ZNF407: variants seen among roughly 807,000 people sequenced by gnomAD.
The protein encoded by ZNF407 is zinc finger protein 407.
ZNF407 carries 17 observed loss-of-function variants against 131.2 expected under a neutral mutation model. The observed-to-expected ratio is 0.13, with a 90% confidence interval of 0.09 to 0.19. ZNF407 has a LOEUF of 0.19. Among genes scored for constraint, ZNF407 ranks in the 10% least tolerant of loss-of-function variants. The pLI is 1.00. For missense variants in ZNF407, 2,681 were observed against 2,830.6 expected (o/e 0.95, Z 1.20); for synonymous variants, 1,156 against 1,062.0 (o/e 1.09, Z -1.72).
chr18:74,838,549 A>G (rs940662990), intron 4 of ZNF407, among the ~76,000 whole-genome samples: 2 of 152,144 alleles, frequency 1.3e-5, no homozygotes, highest in African/African-American at 4.8e-5. Context: ...TCTTTCTAGG[A>G]AGATTTACAG....
intron 8 of ZNF407, among the ~76,000 whole-genome samples, chr18:75,017,268 G>T (rs1973055631): frequency 1.3e-5 from 2 of 152,072 alleles, no homozygotes; most frequent in Admixed American, 1.3e-4. Context: ...TAATTAAGTG[G>T]CTATAATCAC....
chr18:74,676,486 G>T (rs929394040), intron 3 of ZNF407, among the ~76,000 whole-genome samples: 10 of 150,576 alleles, frequency 6.6e-5, no homozygotes, highest in Non-Finnish European at 1.2e-4. Flanking sequence ...ACCCAGGCTG[G>T]AGTGCAGTGG....
In ZNF407 at chr18:74,691,108, A is replaced by C. The variant is rs183736750; in HGVS notation, c.4802+49986A>C. ...AGCGTGGCCAACATGGTGAAATCCT[A>C]TCTCTACTAAAAATACAAAAATTAG... On this transcript the variant is annotated intron_variant, in intron 3 of 8. Coordinates refer to ENST00000299687, the MANE Select transcript of ZNF407 (RefSeq NM_017757.3). 4.5e-3 allele frequency among the ~76,000 whole-genome samples: 687 copies of C among 152,084 alleles called. 3 individuals are homozygous for C. Among genetic ancestry groups the C allele is most frequent in the Non-Finnish European group, 6.3e-3 (426 of 67,960 alleles).
At chr18:74,957,879 TA>T (rs1453897781) in intron 8 of ZNF407, among the ~76,000 whole-genome samples, 1 of 152,238 alleles carries the variant, frequency 6.6e-6, no homozygotes, top group African/African-American at 2.4e-5. Flanking sequence ...AGAGTACTTC[TA>T]GGGGAAAGTG....
At chr18:74,625,802 C>T (rs1450221933) in intron 1 of ZNF407, among the ~76,000 whole-genome samples, 3 of 152,140 alleles carry the variant, frequency 2.0e-5, no homozygotes, top group Non-Finnish European at 2.9e-5. Context: ...ATAAGGCATT[C>T]ATTCATTCTA....
intron 4 of ZNF407, among the ~76,000 whole-genome samples, chr18:74,844,686 A>C (rs537317329): frequency 6.6e-5 from 10 of 152,160 alleles, no homozygotes; most frequent in Non-Finnish European, 1.2e-4. Context: ...ATTTGTAAAA[A>C]TTACCCATGC....
At chr18:74,942,396 G>A (rs1972109610) in intron 8 of ZNF407, among the ~76,000 whole-genome samples, 1 of 152,114 alleles carries the variant, frequency 6.6e-6, no homozygotes. Flanking sequence ...CAAACATGGA[G>A]GAAAGGCTGG....
intron 3 of ZNF407, among the ~76,000 whole-genome samples, chr18:74,671,497 C>T (rs778570384): frequency 1.2e-4 from 18 of 151,824 alleles, no homozygotes; most frequent in Non-Finnish European, 2.1e-4. Flanking sequence ...TTTTCTGTTC[C>T]TCTCCCTCCT....
intron 3 of ZNF407, among the ~76,000 whole-genome samples, chr18:74,740,482 C>T (rs1993528): frequency 0.89 from 135,248 of 152,222 alleles, 60,125 homozygotes; most frequent in Non-Finnish European, 0.9. Flanking sequence ...TATGTGTACA[C>T]ATGTTACATC....
chr18:74,888,112 T>TA lies in ZNF407; in HGVS notation c.5129-1805dup, dbSNP rs1418715219. ...TTTTCTAAGTAAGTCAGTATACTCA[T>TA]ACAGCTATCACAAAAACATGGAAAG... is the stretch of plus-strand genomic sequence containing the variant. On this transcript the variant is annotated intron_variant, in intron 6 of 8. Transcript: ENST00000299687. 1.2e-4 allele frequency among the ~76,000 whole-genome samples: 18 copies of TA among 152,162 alleles called. 1 individual carries two copies. The highest frequency in any genetic ancestry group is 2.4e-4 in the Non-Finnish European group (16 of 68,026).
chr18:74,618,108 G>C (rs1983391602), intron 1 of ZNF407, among the ~76,000 whole-genome samples: 2 of 152,250 alleles, frequency 1.3e-5, no homozygotes, highest in South Asian at 4.2e-4. Flanking sequence ...CGCATTATTT[G>C]GGTGCTCCAA....
At chr18:74,784,184 A>G (rs1969661728) in intron 4 of ZNF407, among the ~76,000 whole-genome samples, 1 of 152,186 alleles carries the variant, frequency 6.6e-6, no homozygotes, top group African/African-American at 2.4e-5. Context: ...CCTTGGTTAT[A>G]CTTTTGCAAG....
chr18:74,958,414 G>T (rs1462920856), intron 8 of ZNF407, among the ~76,000 whole-genome samples: 2 of 152,092 alleles, frequency 1.3e-5, no homozygotes, highest in East Asian at 3.9e-4. Context: ...CCTCACAGTG[G>T]GCCTGTCGAG....
At chr18:74,720,838 C>T (rs542301300) in intron 3 of ZNF407, among the ~76,000 whole-genome samples, 1 of 151,168 alleles carries the variant, frequency 6.6e-6, no homozygotes, top group South Asian at 2.1e-4. Flanking sequence ...TTCCATTGGT[C>T]TGTGTGTCTG....
intron 4 of ZNF407, among the ~76,000 whole-genome samples, chr18:74,820,346 G>A (rs962727373): frequency 2.0e-5 from 3 of 152,180 alleles, no homozygotes; most frequent in Admixed American, 6.5e-5. Context: ...AGACTGCAGA[G>A]AGCTGTCCTC....
intron 3 of ZNF407, among the ~76,000 whole-genome samples, chr18:74,743,337 T>C (rs972328014): frequency 2.6e-5 from 4 of 152,094 alleles, no homozygotes; most frequent in African/African-American, 9.7e-5. Flanking sequence ...ATGTGGTTGG[T>C]CAGGATTTAT....
intron 3 of ZNF407, among the ~76,000 whole-genome samples, chr18:74,676,729 C>T (rs1052178011): frequency 1.2e-4 from 19 of 152,252 alleles, no homozygotes; most frequent in African/African-American, 1.9e-4. Context: ...CCACTGTGCC[C>T]GGCCAGTATT....
chr18:74,991,588 G>T (rs1474794068), intron 8 of ZNF407, among the ~76,000 whole-genome samples: 1 of 152,012 alleles, frequency 6.6e-6, no homozygotes, highest in East Asian at 1.9e-4. Flanking sequence ...ATTCGGTATT[G>T]GTCACTAAAT....
At chr18:75,050,300 GTAT>G (rs1404603982) in intron 8 of ZNF407, among the ~76,000 whole-genome samples, 1 of 152,106 alleles carries the variant, frequency 6.6e-6, no homozygotes, top group Admixed American at 6.5e-5. Context: ...AAGAAAATAA[GTAT>G]TATGTTACAT....
Sources: gnomAD v4.1 joint callset for allele counts (sites outside exome capture counted in the v4.1 genomes callset) on GRCh38, gnomAD v4.1.1 for gene constraint, MANE v1.5 for transcripts, NCBI Gene and HGNC (gene_info 2026-07-23, HGNC 2026-07-21) for gene names.